ABCD3: variants seen among roughly 807,000 people sequenced by gnomAD.
ABCD3 encodes ATP-binding cassette sub-family D member 3.
Under a neutral mutation model 105.5 loss-of-function variants are expected in ABCD3, and 41 were observed. The ratio of observed to expected loss-of-function variants is 0.39; its 90% CI spans 0.30 to 0.50. ABCD3 has a LOEUF of 0.50. Among genes scored for constraint, ABCD3 ranks in the 20% least tolerant of loss-of-function variants. The probability of loss-of-function intolerance (pLI) is 0.84; values close to 1 mark genes in which losing one functional copy is unlikely to be tolerated. For missense variants in ABCD3, 622 were observed against 806.3 expected (o/e 0.77, Z 2.77); for synonymous variants, 258 against 269.0 (o/e 0.96, Z 0.40).
intron 21 of ABCD3, among the ~76,000 whole-genome samples, chr1:94,512,220 C>G (rs1650708204): frequency 6.6e-6 from 1 of 151,968 alleles, no homozygotes; most frequent in Non-Finnish European, 1.5e-5. Flanking sequence ...AGACAGGACC[C>G]TCACTACTGA....
At chr1:94,468,300 A>G (rs951851481) in intron 4 of ABCD3, among the ~76,000 whole-genome samples, 1 of 152,226 alleles carries the variant, frequency 6.6e-6, no homozygotes, top group Non-Finnish European at 1.5e-5. Flanking sequence ...AAAATGCAGC[A>G]TAATAAGTGC....
chr1:94,492,464 T>C (rs1649580458), intron 16 of ABCD3, among the ~76,000 whole-genome samples: 2 of 152,182 alleles, frequency 1.3e-5, no homozygotes, highest in African/African-American at 4.8e-5. Flanking sequence ...CAACAATGAG[T>C]ATTCTATCGT....
chr1:94,459,901 A>G (rs536894237), intron 2 of ABCD3, among the ~76,000 whole-genome samples: 18 of 152,274 alleles, frequency 1.2e-4, no homozygotes, highest in Admixed American at 5.2e-4. Flanking sequence ...ACTTAGCACA[A>G]TGTTTTCAAG....
rs1176854816 is a variant in ABCD3, at chr1:94,505,812, T to C, written c.1741-726T>C. On this transcript the variant is annotated intron_variant, in intron 20 of 22. Coordinates refer to ENST00000370214, the MANE Select transcript of ABCD3 (RefSeq NM_002858.4). Reference sequence around the variant, plus strand: ...ATGGAGTGGTCTTCTAAAGAGAATGTTGCAGAGAAGGTAAATTAAGGATAG... The same window carrying C: ...ATGGAGTGGTCTTCTAAAGAGAATGCTGCAGAGAAGGTAAATTAAGGATAG... 2.6e-5 allele frequency among the ~76,000 whole-genome samples: 4 copies of C among 152,122 alleles called. No individual in the cohort carries two copies. The East Asian group carries it at 7.7e-4, about 29-fold the overall frequency.
intron 1 of ABCD3, among the ~76,000 whole-genome samples, chr1:94,445,911 T>A (rs550481130): frequency 6.6e-6 from 1 of 152,286 alleles, no homozygotes; most frequent in African/African-American, 2.4e-5. Context: ...TATCAAGGCC[T>A]GTGATGGTAT....
chr1:94,437,592 A>G (rs1205087142), intron 1 of ABCD3, among the ~76,000 whole-genome samples: 2 of 152,244 alleles, frequency 1.3e-5, no homozygotes, highest in South Asian at 4.1e-4. Flanking sequence ...GTGGAGATGT[A>G]CAAGGAGATT....
the ABCD3 span, among the ~76,000 whole-genome samples, chr1:94,392,757 C>A: frequency 4.6e-5 from 7 of 152,042 alleles, no homozygotes; most frequent in African/African-American, 1.4e-4. Flanking sequence ...GAAAACAAAG[C>A]AAATATGGGT....
Position 94,480,581 on chromosome 1 carries a change from G to A in ABCD3, c.802G>A (p.Val268Ile). Residue 268 changes from valine (V) to isoleucine (I), a missense_variant, in exon 9 of 23, where the codon GTT becomes ATT. Physicochemically the swap from Val to Ile is conservative, Grantham distance 29 (BLOSUM62 3). Around this residue, in one of 4 missense-constraint regions of ABCD3, gnomAD observed 245 missense variants for 356.4 expected, o/e 0.69. Transcript: ENST00000370214. ...EQKYEGEYRY[V>I]NSRLITNSEE... The stretch of plus-strand genomic sequence containing the variant: ...AAAGTATGAAGGAGAATATAGATAT[G>A]TTAATTCTCGGCTCATCACAAACAG... 1 of 1,613,696 alleles carries A rather than the reference G, an allele frequency of 6.2e-7. No individual in the cohort carries two copies. The highest frequency in any genetic ancestry group is 8.5e-7 in the Non-Finnish European group (1 of 1,179,722).
At chr1:94,475,804 A>G (rs1230399425) in intron 7 of ABCD3, 67 bp downstream of exon 7, 2 of 1,342,838 alleles carry the variant, frequency 1.5e-6, no homozygotes, top group African/African-American at 1.5e-5. Context: ...AAGCAAATTT[A>G]TATAGAATTG....
rs558749770 is a variant in ABCD3, at chr1:94,511,179, C to T, written c.1846-3967C>T. On this transcript the variant is annotated intron_variant, in intron 21 of 22. Coordinates refer to ENST00000370214, the MANE Select transcript of ABCD3 (RefSeq NM_002858.4). ...GCTTCCTTCAGGAGCTCTTTTAGGG[C>T]AGGCCCGGTGGTGACAAAATCTCTC... Among the ~76,000 whole-genome samples, 12 of 152,128 alleles carry T rather than the reference C, an allele frequency of 7.9e-5. No individual in the cohort carries two copies. In the South Asian group the frequency reaches 2.3e-3, roughly 29 times the overall value.
At chr1:94,485,262 A>G (rs1023088669) in intron 10 of ABCD3, among the ~76,000 whole-genome samples, 6 of 152,148 alleles carry the variant, frequency 3.9e-5, no homozygotes, top group Non-Finnish European at 8.8e-5. Flanking sequence ...AATGCCGTCT[A>G]GTTGCCTGTG....
the ABCD3 span, among the ~76,000 whole-genome samples, chr1:94,405,649 T>C: frequency 1.3e-5 from 2 of 152,198 alleles, no homozygotes; most frequent in Non-Finnish European, 2.9e-5. Context: ...AAACTGACTT[T>C]AGTATAGTTT....
At chr1:94,398,722 A>G in the ABCD3 span, among the ~76,000 whole-genome samples, 13 of 152,108 alleles carry the variant, frequency 8.5e-5, no homozygotes, top group Non-Finnish European at 1.9e-4. Flanking sequence ...GACCAGCCTG[A>G]CCAATATGGT....
At chr1:94,447,379 C>A (rs918387975) in intron 1 of ABCD3, among the ~76,000 whole-genome samples, 2 of 152,184 alleles carry the variant, frequency 1.3e-5, no homozygotes, top group South Asian at 4.1e-4. Context: ...TTGCCTTCTC[C>A]TGCTATGATT....
chr1:94,385,729 C>A, the ABCD3 span, among the ~76,000 whole-genome samples: 1 of 152,176 alleles, frequency 6.6e-6, no homozygotes, highest in East Asian at 1.9e-4. Context: ...TGCTCTTAAT[C>A]ATTACCCATA....
chr1:94,422,392 G>A (rs1659293374), intron 1 of ABCD3, among the ~76,000 whole-genome samples: 1 of 152,200 alleles, frequency 6.6e-6, no homozygotes, highest in Admixed American at 6.5e-5. Context: ...AATGCCTGAT[G>A]ATGTGAGGCA....
At chr1:94,419,959 C>T (rs921111639) in intron 1 of ABCD3, among the ~76,000 whole-genome samples, 1 of 152,142 alleles carries the variant, frequency 6.6e-6, no homozygotes, top group African/African-American at 2.4e-5. Context: ...TTACCTGTTA[C>T]CTGGGAACAT....
At position 94,425,321 on chromosome 1, in the gene ABCD3, T is replaced by A. The variant is rs546040702; in HGVS notation, c.110+6733T>A. On this transcript the variant is annotated intron_variant, in intron 1 of 22. Transcript: ENST00000370214. ...GTTATAACGTACATGTTTTGTTATTTTCATTTAAAGCATACCTCTTTCCTA... is the reference window on the plus strand; with the variant it reads ...GTTATAACGTACATGTTTTGTTATTATCATTTAAAGCATACCTCTTTCCTA... 2.0e-5 allele frequency among the ~76,000 whole-genome samples: 3 copies of A among 152,356 alleles called. No homozygotes were observed. In the South Asian group the frequency reaches 6.2e-4, roughly 32 times the overall value.
intron 21 of ABCD3, chr1:94,514,795 G>A (rs1353762420): frequency 3.8e-6 from 1 of 265,998 alleles, no homozygotes; most frequent in Non-Finnish European, 7.3e-6. Context: ...TGTCAACAAT[G>A]CTATACTGAT....
Sources: allele counts gnomAD v4.1 joint callset (sites outside exome capture counted in the v4.1 genomes callset), GRCh38; gene constraint gnomAD v4.1.1; regional missense constraint gnomAD v4.1.1; transcripts MANE v1.5; gene names NCBI Gene and HGNC (gene_info 2026-07-23, HGNC 2026-07-21).